The following RARB variants were observed in gnomAD, a reference collection of about 807,000 sequenced individuals.
The protein encoded by RARB is HBV-activated protein.
Under a neutral mutation model 51.9 loss-of-function variants are expected in RARB, and 17 were observed. The ratio of observed to expected loss-of-function variants is 0.33; its 90% CI spans 0.22 to 0.49. RARB has a LOEUF of 0.49. RARB is among the 20% of genes least tolerant of loss of function. RARB has a pLI of 0.99. For synonymous variants in RARB, 215 were observed against 195.4 expected (o/e 1.10, Z -0.84); for missense variants, 369 against 550.8 (o/e 0.67, Z 3.30).
intron 5 of RARB, among the ~76,000 whole-genome samples, chr3:25,341,142 G>A (rs1705215120): frequency 6.6e-6 from 1 of 152,152 alleles, no homozygotes. Flanking sequence ...GCAATACGAT[G>A]AGTTCTTGGA....
intron 2 of RARB, among the ~76,000 whole-genome samples, chr3:24,976,387 C>T (rs1307487601): frequency 2.0e-5 from 3 of 152,216 alleles, no homozygotes; most frequent in African/African-American, 7.2e-5. Flanking sequence ...TTCCCACCAA[C>T]AATGTAAAAG....
chr3:24,896,944 G>A (rs1401205628), intron 2 of RARB, among the ~76,000 whole-genome samples: 1 of 152,120 alleles, frequency 6.6e-6, no homozygotes, highest in African/African-American at 2.4e-5. Flanking sequence ...TCAACCACTG[G>A]CCAGGCTTTC....
intron 5 of RARB, among the ~76,000 whole-genome samples, chr3:25,221,457 C>T (rs1463534573): frequency 1.3e-5 from 2 of 152,138 alleles, no homozygotes; most frequent in South Asian, 2.1e-4. Flanking sequence ...TAATAATAAT[C>T]GTGGTAGTGA....
chr3:24,890,860 C>T (rs776056221), intron 2 of RARB, among the ~76,000 whole-genome samples: 4 of 151,698 alleles, frequency 2.6e-5, no homozygotes, highest in African/African-American at 7.3e-5. Flanking sequence ...AAAAAAAATG[C>T]GGTTTGAGTT....
chr3:24,865,304 T>G (rs533472433), intron 2 of RARB, among the ~76,000 whole-genome samples: 2 of 152,228 alleles, frequency 1.3e-5, no homozygotes, highest in Non-Finnish European at 2.9e-5. Flanking sequence ...ATGCAGTGTT[T>G]TCCATCCAAG....
intron 4 of RARB, among the ~76,000 whole-genome samples, chr3:25,173,786 G>A (rs886126182): frequency 2.0e-5 from 3 of 152,118 alleles, no homozygotes; most frequent in African/African-American, 7.2e-5. Flanking sequence ...ATGCTAATGG[G>A]GGAGACAGAC....
upstream of RARB, among the ~76,000 whole-genome samples, chr3:25,425,566 G>C (rs1475033972): frequency 6.6e-6 from 1 of 152,116 alleles, no homozygotes; most frequent in Non-Finnish European, 1.5e-5. Context: ...TTTAAATACT[G>C]ATTATTCATT....
At chr3:25,271,595 C>T (rs972995196) in intron 5 of RARB, among the ~76,000 whole-genome samples, 2 of 152,112 alleles carry the variant, frequency 1.3e-5, no homozygotes, top group Non-Finnish European at 2.9e-5. Flanking sequence ...AATGGTAGTT[C>T]CGTCTTTCCT....
intron 2 of RARB, among the ~76,000 whole-genome samples, chr3:25,464,613 A>G (rs1695339446): frequency 6.6e-6 from 1 of 152,164 alleles, no homozygotes. Flanking sequence ...AAACATGAGG[A>G]GGTAATGGTA....
intron 3 of RARB, among the ~76,000 whole-genome samples, chr3:25,092,605 T>G (rs984876037): frequency 2.6e-5 from 4 of 152,196 alleles, no homozygotes; most frequent in Admixed American, 6.6e-5. Context: ...TTGTAATCTT[T>G]GATTCAAATT....
chr3:25,015,567 T>A (rs933849928), intron 2 of RARB, among the ~76,000 whole-genome samples: 1 of 152,166 alleles, frequency 6.6e-6, no homozygotes, highest in Non-Finnish European at 1.5e-5. Flanking sequence ...TCCAAACTGA[T>A]ACAAAGGATT....
rs115729351 is a variant in RARB at position 25,419,186 on chromosome 3, C to T, written c.179-42007C>T. ...TGGTGCTCTGTGTCCCTGTGTCTTC[C>T]GAGACAACGATGTTCCTTTCTTATG... On this transcript the variant is annotated intron_variant, in intron 5 of 11. Coordinates refer to the RARB transcript ENST00000383772. Among the ~76,000 whole-genome samples, 269 of 152,124 alleles carry T rather than the reference C, an allele frequency of 1.8e-3. 1 individual carries two copies. The highest frequency in any genetic ancestry group is 6.8e-3 in the Middle Eastern group (2 of 294).
intron 2 of RARB, among the ~76,000 whole-genome samples, chr3:24,927,485 T>A (rs1472546364): frequency 1.3e-5 from 2 of 152,086 alleles, no homozygotes; most frequent in African/African-American, 4.8e-5. Flanking sequence ...AGGGATGTAT[T>A]GAGATTGAAA....
chr3:24,913,402 C>CTTTTT (rs66779362), intron 2 of RARB, among the ~76,000 whole-genome samples: 1 of 108,412 alleles, frequency 9.2e-6, no homozygotes, highest in African/African-American at 2.9e-5. Context: ...CTCTCTCTCT[C>CTTTTT]TTTTTTTTTT....
intron 2 of RARB, among the ~76,000 whole-genome samples, chr3:25,479,687 A>G (rs538252290): frequency 1.3e-5 from 2 of 152,322 alleles, no homozygotes; most frequent in South Asian, 4.1e-4. Flanking sequence ...TACTTGGTTC[A>G]AACATTTCAT....
At chr3:24,880,001 T>TGATGCAGTA (rs1703127365) in intron 2 of RARB, among the ~76,000 whole-genome samples, 1 of 13,266 alleles carries the variant, frequency 7.5e-5, no homozygotes. Flanking sequence ...CCAGAGCCCC[T>TGATGCAGTA]AATAGTCAAA....
chr3:25,252,205 C>A (rs979257069), intron 5 of RARB, among the ~76,000 whole-genome samples: 10 of 152,264 alleles, frequency 6.6e-5, no homozygotes, highest in African/African-American at 2.2e-4. Context: ...ACATCTATTT[C>A]TTTGATCTAT....
intron 2 of RARB, among the ~76,000 whole-genome samples, chr3:24,868,338 G>C (rs1471851405): frequency 6.6e-6 from 1 of 152,124 alleles, no homozygotes; most frequent in East Asian, 1.9e-4. Context: ...AACTTACTTA[G>C]TATTTAATCC....
intron 5 of RARB, among the ~76,000 whole-genome samples, chr3:25,314,953 A>G (rs1704385594): frequency 6.6e-6 from 1 of 152,172 alleles, no homozygotes; most frequent in African/African-American, 2.4e-5. Context: ...GCTGGAGGCC[A>G]TTGTCCTAAG....
Sources: gnomAD v4.1 joint callset for allele counts (sites outside exome capture counted in the v4.1 genomes callset) on GRCh38, gnomAD v4.1.1 for gene constraint, MANE v1.5 for transcripts, NCBI Gene and HGNC (gene_info 2026-07-23, HGNC 2026-07-21) for gene names.